ICOS: variants seen among roughly 807,000 people sequenced by gnomAD.
The protein encoded by ICOS is inducible T-cell costimulator.
ICOS carries 15 observed loss-of-function variants against 24.6 expected under a neutral mutation model. The ratio of observed to expected loss-of-function variants is 0.61; its 90% CI spans 0.41 to 0.94. ICOS has a LOEUF of 0.94. Ranked by LOEUF, ICOS falls within the 40% of genes least tolerant of loss-of-function variation. ICOS has a pLI of 0.00. For missense variants in ICOS, 200 were observed against 233.0 expected (o/e 0.86, Z 0.92); for synonymous variants, 89 against 77.5 (o/e 1.15, Z -0.78).
intron 1 of ICOS, among the ~76,000 whole-genome samples, chr2:203,955,313 C>A (rs990345300): frequency 3.3e-5 from 5 of 152,166 alleles, no homozygotes; most frequent in African/African-American, 1.2e-4. Context: ...CCTTTACCAT[C>A]TGCCTCCAAT....
intron 1 of ICOS, among the ~76,000 whole-genome samples, chr2:203,952,315 A>G (rs1559035064): frequency 6.6e-6 from 1 of 152,216 alleles, no homozygotes; most frequent in Non-Finnish European, 1.5e-5. Flanking sequence ...AATTACATAT[A>G]CCTTCACTAT....
intron 1 of ICOS, 132 bp downstream of exon 1, chr2:203,937,004 T>C: frequency 1.4e-6 from 1 of 697,834 alleles, no homozygotes; most frequent in Non-Finnish European, 2.6e-6. Context: ...TTTCAGGATA[T>C]GGCCAAGGGC....
intron 1 of ICOS, among the ~76,000 whole-genome samples, chr2:203,943,079 C>G (rs1489064630): frequency 6.6e-6 from 1 of 151,928 alleles, no homozygotes; most frequent in Non-Finnish European, 1.5e-5. Flanking sequence ...TTTGCATTTC[C>G]TTGCATTGGG....
At chr2:203,936,957 A>G in intron 1 of ICOS, 85 bp downstream of exon 1, 1 of 1,015,640 alleles carries the variant, frequency 9.8e-7, no homozygotes, top group South Asian at 1.3e-5. Flanking sequence ...TTACGCACCC[A>G]AAAGACAGTG....
At chr2:203,943,311 A>G (rs1689809867) in intron 1 of ICOS, among the ~76,000 whole-genome samples, 1 of 129,894 alleles carries the variant, frequency 7.7e-6, no homozygotes, top group Non-Finnish European at 1.7e-5. Flanking sequence ...CTAGGGCTGA[A>G]GGCTGTTCTT....
At chr2:203,946,072 A>G (rs969190980) in intron 1 of ICOS, among the ~76,000 whole-genome samples, 3 of 152,116 alleles carry the variant, frequency 2.0e-5, no homozygotes, top group African/African-American at 7.2e-5. Flanking sequence ...TGTGGAAGAG[A>G]GTTGGGTTCA....
chr2:203,959,677 G>GT lies in ICOS; in HGVS notation c.*78_*79insT. The GT allele has an allele frequency of 3.0e-6, 4 of 1,349,976 alleles. No homozygotes were observed. The highest frequency in any genetic ancestry group is 3.2e-6 in the Non-Finnish European group (3 of 940,878). The allele number at this position is 1,349,976 out of a possible 1,614,324, so 83.6% of individuals were successfully genotyped here. ...TGAAGTGCAAGATTCTCTTATTTCC[G>GT]GGACCACGGAGAGTCTGACTTAACT... On this transcript the variant is annotated 3_prime_UTR_variant, in exon 5 of 5. Coordinates refer to ENST00000316386, the MANE Select transcript of ICOS (RefSeq NM_012092.4).
chr2:203,958,686 A>C (rs913196270), intron 4 of ICOS, among the ~76,000 whole-genome samples: 1 of 152,200 alleles, frequency 6.6e-6, no homozygotes, highest in Non-Finnish European at 1.5e-5. Context: ...ATGGGAGCTA[A>C]AAAGGATCCT....
chr2:203,954,528 A>G (rs1453091423), intron 1 of ICOS, among the ~76,000 whole-genome samples: 1 of 152,180 alleles, frequency 6.6e-6, no homozygotes, highest in Non-Finnish European at 1.5e-5. Flanking sequence ...AGTGGAGGCT[A>G]CAACGAGCTA....
chr2:203,947,782 T>C (rs1199844875), intron 1 of ICOS, among the ~76,000 whole-genome samples: 1 of 152,178 alleles, frequency 6.6e-6, no homozygotes, highest in Non-Finnish European at 1.5e-5. Context: ...CAAAACCTCA[T>C]GTTTAATATT....
rs1689824905 is a variant in ICOS, at chr2:203,943,894, T to G, written c.58+7022T>G. Among the ~76,000 whole-genome samples the G allele has an allele frequency of 2.0e-5, 3 of 152,082 alleles. No homozygotes were observed. In the South Asian group the frequency reaches 6.2e-4, roughly 32 times the overall value. On this transcript the variant is annotated intron_variant, in intron 1 of 4. Coordinates refer to ENST00000316386, the MANE Select transcript of ICOS (RefSeq NM_012092.4). ...CTAGGAGGATTATGGCTGCCTCTGC[T>G]GAGTCATGCAGGTTGTCAGGGAAGT...
chr2:203,954,682 G>A (rs1047225154), intron 1 of ICOS, among the ~76,000 whole-genome samples: 14 of 149,554 alleles, frequency 9.4e-5, no homozygotes, highest in African/African-American at 3.2e-4. Flanking sequence ...AGTTCTCAGT[G>A]GATGAGGTTT....
intron 2 of ICOS, 106 bp downstream of exon 2, chr2:203,956,077 T>C (rs1690074551): frequency 1.4e-6 from 1 of 740,262 alleles, no homozygotes; most frequent in Non-Finnish European, 2.3e-6. Flanking sequence ...TGTGTTGGAG[T>C]TCACTTAGAT....
At chr2:203,955,568 T>G in intron 1 of ICOS, 68 bp from the exon 2 acceptor site, 3 of 1,347,096 alleles carry the variant, frequency 2.2e-6, no homozygotes, top group Non-Finnish European at 3.2e-6. Flanking sequence ...GCTTTTATGT[T>G]AAAATATAAT....
intron 1 of ICOS, among the ~76,000 whole-genome samples, chr2:203,943,281 G>A (rs1447635773): frequency 6.6e-6 from 1 of 151,916 alleles, no homozygotes; most frequent in African/African-American, 2.4e-5. Flanking sequence ...CATTTGGGTA[G>A]GTGCTGTCAG....
At chr2:203,946,595 A>G (rs956003322) in intron 1 of ICOS, among the ~76,000 whole-genome samples, 1 of 152,174 alleles carries the variant, frequency 6.6e-6, no homozygotes, top group African/African-American at 2.4e-5. Context: ...AGGGATCTAA[A>G]GGTTTTAGCT....
At position 203,959,768 on chromosome 2, in the gene ICOS, T is replaced by G. The variant is rs1690144925; in HGVS notation, c.*169T>G. ...TGACTGTATCAGTCAATGGGGATTTTAACAGACTGCCTTGGTACTGCCGAG... is the reference window on the plus strand; with the variant it reads ...TGACTGTATCAGTCAATGGGGATTTGAACAGACTGCCTTGGTACTGCCGAG... On this transcript the variant is annotated 3_prime_UTR_variant, in exon 5 of 5. Coordinates refer to ENST00000316386, the MANE Select transcript of ICOS (RefSeq NM_012092.4). 4.2e-6 allele frequency: 3 copies of G among 722,216 alleles called. No individual in the cohort carries two copies. The highest frequency in any genetic ancestry group is 7.4e-6 in the Non-Finnish European group (3 of 406,174). The allele number at this position is 722,216 out of a possible 1,614,324, so 44.7% of individuals were successfully genotyped here. A position where few individuals can be genotyped will look rare whatever the true frequency, so the allele number is the denominator to read the frequency against.
At chr2:203,959,425 A>C (rs1330678049) in intron 4 of ICOS, among the ~76,000 whole-genome samples, 161 bp from the exon 5 acceptor site, 1 of 151,418 alleles carries the variant, frequency 6.6e-6, no homozygotes, top group East Asian at 2.0e-4. Flanking sequence ...GTGTTGAAGC[A>C]TAAAGATGAG....
At chr2:203,941,075 C>A (rs751513799) in intron 1 of ICOS, among the ~76,000 whole-genome samples, 1 of 152,090 alleles carries the variant, frequency 6.6e-6, no homozygotes, top group African/African-American at 2.4e-5. Context: ...GGATTACAGG[C>A]GTGAGCCACC....
Sources: allele counts gnomAD v4.1 joint callset (sites outside exome capture counted in the v4.1 genomes callset), GRCh38; gene constraint gnomAD v4.1.1; transcripts MANE v1.5; gene names NCBI Gene and HGNC (gene_info 2026-07-23, HGNC 2026-07-21).